RAPGEF6: variants seen among roughly 807,000 people sequenced by gnomAD.
RAPGEF6 encodes the protein PDZ domain containing guanine nucleotide exchange factor (GEF) 2.
RAPGEF6 carries 56 observed loss-of-function variants against 171.4 expected under a neutral mutation model. That is an observed-to-expected ratio of 0.33 (90% confidence interval 0.26 to 0.41). RAPGEF6 has a LOEUF of 0.41. RAPGEF6 is among the 10% of genes least tolerant of loss of function. The probability of loss-of-function intolerance (pLI) is 1.00; values close to 1 mark genes in which losing one functional copy is unlikely to be tolerated. For missense variants in RAPGEF6, 1,674 were observed against 1,921.4 expected (o/e 0.87, Z 2.41); for synonymous variants, 692 against 650.1 (o/e 1.06, Z -0.98).
chr5:131,442,337 G>A lies in RAPGEF6; in HGVS notation c.3610+12C>T, dbSNP rs201428467. 150 of 1,600,374 alleles carry A rather than the reference G, an allele frequency of 9.4e-5. No individual in the cohort carries two copies. Among genetic ancestry groups the A allele is most frequent in the Non-Finnish European group, 1.2e-4 (146 of 1,172,444 alleles). On this transcript the variant is annotated intron_variant, in intron 23 of 27. Coordinates refer to ENST00000509018, the MANE Select transcript of RAPGEF6 (RefSeq NM_016340.6). ...CAGGTAAACGGATGTAATATTAATG[G>A]TGAATACTCACTCAGTGCAGGGTCT...
intron 6 of RAPGEF6, among the ~76,000 whole-genome samples, chr5:131,523,921 A>T (rs1758685820): frequency 6.6e-6 from 1 of 152,198 alleles, no homozygotes; most frequent in South Asian, 2.1e-4. Context: ...GCCAGGAAAA[A>T]AAACCAGAGT....
At position 131,439,638 on chromosome 5, in the gene RAPGEF6, C is replaced by G; in HGVS notation, c.3688G>C (p.Val1230Leu). ...GKKHTEDTIS[V>L]ASSLHSSPPA... ...GGACTAGAATGTAAAGATGACGCCA[C>G]AGAAATAGTGTCTTCTGTATGCTTC... is the stretch of plus-strand genomic sequence containing the variant. The change falls in exon 24 of 28, where the codon GTG (valine) becomes CTG (leucine). Residue 1230 changes from valine to leucine, a missense_variant. Val to Leu is a conservative substitution (Grantham distance 32). Around this residue, in one of 3 missense-constraint regions of RAPGEF6, gnomAD observed 552 missense variants for 574.2 expected, o/e 0.96. Coordinates refer to ENST00000509018, the MANE Select transcript of RAPGEF6 (RefSeq NM_016340.6). 1 of 1,612,836 alleles carries G rather than the reference C, an allele frequency of 6.2e-7. No individual in the cohort carries two copies. Among genetic ancestry groups the G allele is most frequent in the South Asian group, 1.1e-5 (1 of 90,900 alleles).
At chr5:131,429,291 A>G in intron 26 of RAPGEF6, 75 bp from the exon 27 acceptor site, 2 of 1,236,330 alleles carry the variant, frequency 1.6e-6, no homozygotes, top group Non-Finnish European at 2.2e-6. Flanking sequence ...CCACAAACTT[A>G]TTACAATGAC....
intron 17 of RAPGEF6, among the ~76,000 whole-genome samples, chr5:131,471,301 G>A (rs181253892): frequency 6.6e-6 from 1 of 152,172 alleles, no homozygotes; most frequent in African/African-American, 2.4e-5. Flanking sequence ...TCGCTCTAGT[G>A]GTTAAGTGGC....
rs78285769 is a variant in RAPGEF6, at chr5:131,589,077, A to G, written c.281+3306T>C. The stretch of plus-strand genomic sequence containing the variant: ...AGAGTGAGACTCTGTCTTAAAAAAA[A>G]AAAGGTTAATGAAAAACTACAGCAA... On this transcript the variant is annotated intron_variant, in intron 4 of 27. Coordinates refer to ENST00000509018, the MANE Select transcript of RAPGEF6 (RefSeq NM_016340.6). Among the ~76,000 whole-genome samples, 976 of 152,318 alleles carry G rather than the reference A, an allele frequency of 6.4e-3. 9 individuals carry two copies. The highest frequency in any genetic ancestry group is 0.022 in the African/African-American group (914 of 41,560).
chr5:131,551,583 A>G (rs1326779427), intron 5 of RAPGEF6, among the ~76,000 whole-genome samples: 1 of 152,116 alleles, frequency 6.6e-6, no homozygotes, highest in Non-Finnish European at 1.5e-5. Context: ...TGTGACTAAA[A>G]AGTCCAACTT....
At chr5:131,630,873 T>A (rs1243339319) in intron 1 of RAPGEF6, among the ~76,000 whole-genome samples, 1 of 152,242 alleles carries the variant, frequency 6.6e-6, no homozygotes, top group Non-Finnish European at 1.5e-5. Context: ...TCCCTTTGTA[T>A]ATTTTTCACA....
chr5:131,633,253 G>A (rs1367194095), intron 1 of RAPGEF6, among the ~76,000 whole-genome samples: 4 of 151,860 alleles, frequency 2.6e-5, no homozygotes, highest in African/African-American at 9.7e-5. Context: ...TACTTGAACC[G>A]GGACCCAGGA....
intron 3 of RAPGEF6, among the ~76,000 whole-genome samples, chr5:131,600,166 T>G (rs1322047597): frequency 3.9e-5 from 6 of 152,258 alleles, no homozygotes; most frequent in Non-Finnish European, 7.3e-5. Flanking sequence ...GATATTAGAT[T>G]TGCTAAACTA....
Position 131,441,882 on chromosome 5 carries a change from G to A in RAPGEF6, c.3610+467C>T, listed in dbSNP as rs1452269214. Among the ~76,000 whole-genome samples the A allele has an allele frequency of 2.6e-5, 4 of 151,952 alleles. No individual in the cohort carries two copies. In the East Asian group the frequency reaches 7.7e-4, roughly 29 times the overall value. Reference sequence around the variant, plus strand: ...AAAGTAATATGAATAATGACTATATGGCCTAACAGAAAAAAAAAGTGTGGT... The same window carrying A: ...AAAGTAATATGAATAATGACTATATAGCCTAACAGAAAAAAAAAGTGTGGT... On this transcript the variant is annotated intron_variant, in intron 23 of 27. Transcript: ENST00000509018.
rs368918335 is a variant in RAPGEF6 at position 131,442,400 on chromosome 5, C to T, written c.3559G>A (p.Val1187Ile). Residue 1187 changes from valine (V) to isoleucine (I), a missense_variant, in exon 23 of 28, where the codon GTT becomes ATT. Around this residue, in one of 3 missense-constraint regions of RAPGEF6, gnomAD observed 552 missense variants for 574.2 expected, o/e 0.96. Coordinates refer to ENST00000509018, the MANE Select transcript of RAPGEF6 (RefSeq NM_016340.6). Reference sequence around the variant, plus strand: ...TTCTTCCTGATGGGGTGCAAATTAACAGCTGGCACCTGAAGCACCTGGCTT... The same window carrying T: ...TTCTTCCTGATGGGGTGCAAATTAATAGCTGGCACCTGAAGCACCTGGCTT... ...RVSQVLQVPA[V>I]NLHPIRKKGQ... The T allele has an allele frequency of 3.8e-5, 61 of 1,614,026 alleles. 1 individual carries two copies. In the South Asian group the frequency reaches 6.3e-4, roughly 17 times the overall value.
intron 1 of RAPGEF6, among the ~76,000 whole-genome samples, chr5:131,624,438 A>C (rs1355290439): frequency 6.6e-6 from 1 of 152,210 alleles, no homozygotes; most frequent in Non-Finnish European, 1.5e-5. Flanking sequence ...TTAAAAGTCC[A>C]ATACAAAGGC....
intron 11 of RAPGEF6, among the ~76,000 whole-genome samples, chr5:131,501,899 T>C (rs758498123): frequency 3.3e-5 from 5 of 152,302 alleles, no homozygotes; most frequent in Admixed American, 1.3e-4. Context: ...AACAAATACA[T>C]ACATATATTT....
At chr5:131,586,183 G>A (rs1580627609) in intron 4 of RAPGEF6, among the ~76,000 whole-genome samples, 2 of 152,166 alleles carry the variant, frequency 1.3e-5, no homozygotes, top group Admixed American at 6.5e-5. Flanking sequence ...ATCCAAAGAC[G>A]TTACTAACAG....
At chr5:131,518,697 C>A (rs1401542230) in intron 7 of RAPGEF6, among the ~76,000 whole-genome samples, 2 of 151,944 alleles carry the variant, frequency 1.3e-5, no homozygotes, top group African/African-American at 2.4e-5. Context: ...TGCCCAGCAG[C>A]AGAGTTTGAA....
chr5:131,549,289 C>T (rs7713286), intron 5 of RAPGEF6, among the ~76,000 whole-genome samples: 19,166 of 151,830 alleles, frequency 0.13, 3,003 homozygotes, highest in African/African-American at 0.38. Context: ...TTTAGTTTTC[C>T]CCCATAACTA....
At chr5:131,529,996 C>T (rs1007843636) in intron 6 of RAPGEF6, among the ~76,000 whole-genome samples, 1 of 149,986 alleles carries the variant, frequency 6.7e-6, no homozygotes, top group Non-Finnish European at 1.5e-5. Flanking sequence ...CAACCTCTGC[C>T]TCCCGGATTC....
intron 22 of RAPGEF6, among the ~76,000 whole-genome samples, chr5:131,443,382 A>G (rs1394959888): frequency 6.6e-6 from 1 of 152,150 alleles, no homozygotes; most frequent in Non-Finnish European, 1.5e-5. Context: ...CCAGCCCTAA[A>G]TAATTCTTGA....
intron 7 of RAPGEF6, among the ~76,000 whole-genome samples, chr5:131,517,780 TAC>T (rs36091456): frequency 0.13 from 17,744 of 140,234 alleles, 1,245 homozygotes; most frequent in East Asian, 0.28. Flanking sequence ...TTCGCGCATG[TAC>T]ACACACACAC....
Sources: gnomAD v4.1 joint callset for allele counts (sites outside exome capture counted in the v4.1 genomes callset) on GRCh38, gnomAD v4.1.1 for gene constraint, gnomAD v4.1.1 regional missense constraint, MANE v1.5 for transcripts, NCBI Gene and HGNC (gene_info 2026-07-23, HGNC 2026-07-21) for gene names.